The following APOL4 variants were observed in gnomAD, a reference collection of about 807,000 sequenced individuals.
APOL4 encodes apolipoprotein L4, also known as apolipoprotein L, 4.
In APOL4, 14 loss-of-function variants were observed where a neutral mutation model predicts 12.1. The ratio of observed to expected loss-of-function variants is 1.16; its 90% CI spans 0.76 to 1.81. The LOEUF (loss-of-function observed/expected upper bound fraction) is 1.81, where lower values mean the gene tolerates loss of function less well. Ranked by LOEUF, APOL4 falls within the 40% of genes most tolerant of loss-of-function variation. The pLI, the probability that APOL4 is intolerant of heterozygous loss-of-function variation, is 0.00. For synonymous variants in APOL4, 171 were observed against 160.6 expected (o/e 1.06, Z -0.49); for missense variants, 432 against 423.1 (o/e 1.02, Z -0.18).
intron 1 of APOL4, among the ~76,000 whole-genome samples, chr22:36,199,916 T>C (rs2014519276): frequency 6.6e-6 from 1 of 152,206 alleles, no homozygotes; most frequent in African/African-American, 2.4e-5. Flanking sequence ...CACGCCATTC[T>C]CTTGCCTCAG....
chr22:36,192,820 G>A (rs1235916978), intron 3 of APOL4, among the ~76,000 whole-genome samples: 1 of 152,180 alleles, frequency 6.6e-6, no homozygotes, highest in Non-Finnish European at 1.5e-5. Context: ...GGACTAAAGG[G>A]GTTAGACCTT....
rs542039276 is a variant in APOL4, at chr22:36,199,245, A to C, written c.82+85T>G. The stretch of plus-strand genomic sequence containing the variant: ...TTGGGGCTCACTCAGCCTTGAAGAC[A>C]CCACCCTCCATTCTAGCTGTGGGTA... On this transcript the variant is annotated intron_variant, in intron 2 of 3. Coordinates refer to ENST00000683024, the MANE Select transcript of APOL4 (RefSeq NM_001386885.1). 35 of 1,570,142 alleles carry C rather than the reference A, an allele frequency of 2.2e-5. 1 individual carries two copies. The Admixed American group carries it at 3.3e-4, about 15-fold the overall frequency.
At position 36,200,168 on chromosome 22, in the gene APOL4, G is replaced by A. The variant is rs148342960; in HGVS notation, c.36-792C>T. On this transcript the variant is annotated intron_variant, in intron 1 of 3. Transcript: ENST00000683024. ...ATGATCACACACAGCCCGGGAGATGGGTACCACTTTCCCATTTGAACACAG... is the reference window on the plus strand; with the variant it reads ...ATGATCACACACAGCCCGGGAGATGAGTACCACTTTCCCATTTGAACACAG... Among the ~76,000 whole-genome samples the A allele has an allele frequency of 5.4e-3, 826 of 152,252 alleles. 6 individuals are homozygous for A. Among genetic ancestry groups the A allele is most frequent in the Middle Eastern group, 0.02 (6 of 294 alleles).
chr22:36,201,847 C>A, upstream of APOL4: 1 of 1,573,708 alleles, frequency 6.4e-7, no homozygotes, highest in Non-Finnish European at 8.6e-7. Flanking sequence ...CCCCTCTAGG[C>A]GAGTCTACCA....
In APOL4 at chr22:36,190,011, G is replaced by A. The variant is rs533239013; in HGVS notation, c.*1064C>T. 39 of 195,698 alleles carry A rather than the reference G, an allele frequency of 2.0e-4. 1 individual carries two copies. Among genetic ancestry groups the A allele is most frequent in the East Asian group, 3.5e-4 (3 of 8,498 alleles). The allele number at this position is 195,698 out of a possible 1,614,324, so 12.1% of individuals were successfully genotyped here. Reference sequence around the variant, plus strand: ...CATTGGGTATCGGGGAACCTGCCCCGATGGTCACGTAGGTTCTTTTCTATT... The same window carrying A: ...CATTGGGTATCGGGGAACCTGCCCCAATGGTCACGTAGGTTCTTTTCTATT... On this transcript the variant is annotated 3_prime_UTR_variant, in exon 4 of 4. Transcript: ENST00000683024.
intron 3 of APOL4, 124 bp downstream of exon 3, chr22:36,195,187 G>A (rs558097678): frequency 1.6e-6 from 2 of 1,260,366 alleles, no homozygotes; most frequent in Non-Finnish European, 2.2e-6. Flanking sequence ...CTGCTGAGAG[G>A]GACATCCTCA....
Position 36,191,482 on chromosome 22 carries a change from C to A in APOL4, c.640G>T (p.Ala214Ser), listed in dbSNP as rs1407580371. 3 of 1,614,052 alleles carry A rather than the reference C, an allele frequency of 1.9e-6. No homozygotes were observed. The South Asian group carries it at 3.3e-5, about 18-fold the overall frequency. The stretch of plus-strand genomic sequence containing the variant: ...ATGTCACGCAGAATGTCCCTTAATG[C>A]CTCCAATTGGTCAGTGCTGGTTGCA... ...LTATSTDQLE[A>S]LRDILRDITP... is the part of the protein sequence containing the mutation. Residue 214 changes from alanine to serine, a missense_variant, in exon 4 of 4, where the codon GCA (alanine) becomes TCA (serine). Transcript: ENST00000683024.
At position 36,195,492 on chromosome 22, in the gene APOL4, G is replaced by T. The variant is rs957549581; in HGVS notation, c.83-55C>A. 3 of 1,587,358 alleles carry T rather than the reference G, an allele frequency of 1.9e-6. No homozygotes were observed. The Admixed American group carries it at 5.1e-5, about 27-fold the overall frequency. On this transcript the variant is annotated intron_variant, in intron 2 of 3. Transcript: ENST00000683024. ...AAGAAAGTTTGCTACCACATAAATG[G>T]CATTGAGTATAAGGTGGTTCGGTGT...
intron 2 of APOL4, 79 bp downstream of exon 2, chr22:36,199,251 C>T: frequency 6.3e-7 from 1 of 1,581,644 alleles, no homozygotes; most frequent in South Asian, 1.1e-5. Context: ...AGACACCACC[C>T]TCCATTCTAG....
rs1167072411 is a variant in APOL4, at chr22:36,197,749, G to A, written c.82+1581C>T. 6 of 1,550,406 alleles carry A rather than the reference G, an allele frequency of 3.9e-6. No individual in the cohort carries two copies. In the African/African-American group the frequency reaches 5.5e-5, roughly 14 times the overall value. On this transcript the variant is annotated intron_variant, in intron 2 of 3. Coordinates refer to ENST00000683024, the MANE Select transcript of APOL4 (RefSeq NM_001386885.1). The stretch of plus-strand genomic sequence containing the variant: ...GGTCACAGAAAGAACAAGAACTCCA[G>A]GCAGCAGGTTCACATAATGGACACA...
chr22:36,192,634 G>C (rs1232651382), intron 3 of APOL4, among the ~76,000 whole-genome samples: 2 of 152,152 alleles, frequency 1.3e-5, no homozygotes, highest in African/African-American at 2.4e-5. Flanking sequence ...TATTAGAAGA[G>C]AGCATATCCC....
At chr22:36,197,821 C>A in intron 2 of APOL4, 1 of 1,547,394 alleles carries the variant, frequency 6.5e-7, no homozygotes, top group Non-Finnish European at 8.7e-7. Context: ...AGGGGATGGG[C>A]CCAGAGGACC....
chr22:36,195,536 T>C, intron 2 of APOL4, 99 bp from the exon 3 acceptor site: 3 of 1,389,156 alleles, frequency 2.2e-6, no homozygotes, highest in Non-Finnish European at 2.9e-6. Context: ...CTGAACCAGC[T>C]GTCACATGGG....
intron 2 of APOL4, among the ~76,000 whole-genome samples, chr22:36,195,743 ATCTCTC>A (rs143180155): frequency 3.4e-4 from 32 of 93,450 alleles, no homozygotes; most frequent in African/African-American, 1.3e-3. Flanking sequence ...GAGACAGATG[ATCTCTC>A]TCTCTCTCTC....
intron 3 of APOL4, among the ~76,000 whole-genome samples, chr22:36,194,135 A>T (rs1359703947): frequency 1.3e-5 from 2 of 152,160 alleles, no homozygotes; most frequent in East Asian, 3.8e-4. Flanking sequence ...AGAACCCTTC[A>T]AATTACACCA....
chr22:36,203,681 T>C (rs1345830500), upstream of APOL4, among the ~76,000 whole-genome samples: 2 of 152,244 alleles, frequency 1.3e-5, no homozygotes, highest in Admixed American at 1.3e-4. Context: ...ACCCTAAAGA[T>C]GCCTAGAAGA....
In APOL4 at chr22:36,191,413, T is replaced by C. The variant is rs202120098; in HGVS notation, c.709A>G (p.Thr237Ala). The C allele has an allele frequency of 2.3e-5, 37 of 1,613,962 alleles. No homozygotes were observed. Among genetic ancestry groups the C allele is most frequent in the Non-Finnish European group, 3.1e-5 (37 of 1,179,910 alleles). The part of the protein sequence containing the change: ...LSFALDFDEA[T>A]KMIANDVHTL... ...TGGACATCATTCGCAATCATTTTTG[T>C]GGCTTCGTCAAAATCAAGTGCAAAA... The change falls in exon 4 of 4, where the codon ACA (threonine) becomes GCA (alanine). Residue 237 changes from threonine to alanine, a missense_variant. Physicochemically the swap from Thr to Ala is moderately conservative, Grantham distance 58. Transcript: ENST00000683024.
At chr22:36,199,871 G>C (rs143833041) in intron 1 of APOL4, among the ~76,000 whole-genome samples, 10 of 151,958 alleles carry the variant, frequency 6.6e-5, no homozygotes, top group African/African-American at 2.2e-4. Context: ...GCAGTGGCGC[G>C]ATCTCGGCTC....
At chr22:36,195,132 T>A (rs1338027086) in intron 3 of APOL4, 179 bp downstream of exon 3, 1 of 729,206 alleles carries the variant, frequency 1.4e-6, no homozygotes, top group African/African-American at 1.8e-5. Flanking sequence ...CAGCCTGAGG[T>A]CACTCACTGC....
Sources: gnomAD v4.1 joint callset for allele counts (sites outside exome capture counted in the v4.1 genomes callset) on GRCh38, gnomAD v4.1.1 for gene constraint, MANE v1.5 for transcripts, NCBI Gene and HGNC (gene_info 2026-07-23, HGNC 2026-07-21) for gene names.